DACH1: variants seen among roughly 807,000 people sequenced by gnomAD.
The protein encoded by DACH1 is dachshund family transcription factor 1.
Under a neutral mutation model 54.2 loss-of-function variants are expected in DACH1, and 12 were observed. The observed-to-expected ratio is 0.22, with a 90% CI of 0.14 to 0.36. DACH1 has a LOEUF of 0.36. Among genes scored for constraint, DACH1 ranks in the 10% least tolerant of loss-of-function variants. The probability of loss-of-function intolerance (pLI) is 1.00; values close to 1 mark genes in which losing one functional copy is unlikely to be tolerated. For synonymous variants in DACH1, 386 were observed against 366.2 expected, an observed-to-expected ratio of 1.05 and a Z score of -0.62; for missense variants, 805 against 929.8, an observed-to-expected ratio of 0.87 and a Z score of 1.75.
chr13:71,518,289 C>T (rs1881311366), intron 6 of DACH1, among the ~76,000 whole-genome samples: 1 of 151,510 alleles, frequency 6.6e-6, no homozygotes, highest in South Asian at 2.1e-4. Flanking sequence ...GAGGAAAGGC[C>T]ATATGAGGAC....
intron 1 of DACH1, among the ~76,000 whole-genome samples, chr13:71,838,826 T>C (rs574579741): frequency 9.8e-5 from 15 of 152,366 alleles, no homozygotes; most frequent in African/African-American, 2.9e-4. Context: ...GCAAACTCAA[T>C]CTGCGGCTGC....
chr13:71,687,739 G>C (rs1042608744), intron 1 of DACH1, among the ~76,000 whole-genome samples: 2 of 152,126 alleles, frequency 1.3e-5, no homozygotes, highest in African/African-American at 4.8e-5. Flanking sequence ...CTCCTGAGTA[G>C]CTGGGACTAC....
intron 6 of DACH1, among the ~76,000 whole-genome samples, chr13:71,546,359 A>G (rs568951119): frequency 1.3e-5 from 2 of 152,146 alleles, no homozygotes; most frequent in East Asian, 3.9e-4. Flanking sequence ...CTTGTATCTT[A>G]AAGATTTACA....
At chr13:71,504,227 G>A (rs1451638518) in intron 6 of DACH1, among the ~76,000 whole-genome samples, 3 of 151,906 alleles carry the variant, frequency 2.0e-5, no homozygotes, top group African/African-American at 7.3e-5. Context: ...CAATTAACAC[G>A]AGAAATCTTG....
At chr13:71,705,358 G>A (rs1186347237) in intron 1 of DACH1, among the ~76,000 whole-genome samples, 1 of 141,392 alleles carries the variant, frequency 7.1e-6, no homozygotes, top group Non-Finnish European at 1.5e-5. Context: ...TTTAGGGACC[G>A]AAATGTTGTT....
chr13:71,825,929 A>T (rs1272564777), intron 1 of DACH1, among the ~76,000 whole-genome samples: 1 of 152,128 alleles, frequency 6.6e-6, no homozygotes, highest in Non-Finnish European at 1.5e-5. Context: ...TATATTCCTG[A>T]AGCCCCTAGT....
At chr13:71,850,630 G>C (rs959270465) in intron 1 of DACH1, among the ~76,000 whole-genome samples, 2 of 152,126 alleles carry the variant, frequency 1.3e-5, no homozygotes, top group Admixed American at 1.3e-4. Context: ...CAAAAATGTT[G>C]AGGAGTAATA....
chr13:71,512,272 C>T (rs534600269), intron 6 of DACH1, among the ~76,000 whole-genome samples: 1 of 151,978 alleles, frequency 6.6e-6, no homozygotes, highest in East Asian at 1.9e-4. Context: ...CTGCATACTG[C>T]CTAGCCTTCT....
chr13:71,468,909 A>G (rs1353687941), intron 10 of DACH1, among the ~76,000 whole-genome samples: 1 of 152,234 alleles, frequency 6.6e-6, no homozygotes, highest in Non-Finnish European at 1.5e-5. Flanking sequence ...AGTAAAAAGC[A>G]GGAAAGGAAA....
At chr13:71,514,870 T>C (rs569627282) in intron 6 of DACH1, among the ~76,000 whole-genome samples, 2 of 152,068 alleles carry the variant, frequency 1.3e-5, no homozygotes, top group African/African-American at 4.8e-5. Context: ...TATGTAAAAT[T>C]TGATGTCAAG....
At chr13:71,613,295 G>A (rs1338242510) in intron 3 of DACH1, among the ~76,000 whole-genome samples, 1 of 152,194 alleles carries the variant, frequency 6.6e-6, no homozygotes, top group Non-Finnish European at 1.5e-5. Context: ...CAGGAAGAAT[G>A]AAAAGGGGAA....
At chr13:71,790,217 T>C (rs963043098) in intron 1 of DACH1, among the ~76,000 whole-genome samples, 5 of 152,188 alleles carry the variant, frequency 3.3e-5, no homozygotes, top group South Asian at 2.1e-4. Flanking sequence ...AGACTTTTTT[T>C]TTCTTACAGT....
At chr13:71,447,089 T>C (rs1399829109) in intron 10 of DACH1, among the ~76,000 whole-genome samples, 2 of 152,214 alleles carry the variant, frequency 1.3e-5, no homozygotes, top group African/African-American at 4.8e-5. Context: ...AAGTATCTCG[T>C]GTCTAAGAAA....
intron 2 of DACH1, among the ~76,000 whole-genome samples, chr13:71,647,853 A>G (rs1161451110): frequency 3.3e-5 from 5 of 152,252 alleles, no homozygotes; most frequent in Admixed American, 3.3e-4. Flanking sequence ...GCTATTTCCA[A>G]TATTCCAATA....
chr13:71,612,546 A>G (rs1370224024), intron 3 of DACH1, among the ~76,000 whole-genome samples: 1 of 152,174 alleles, frequency 6.6e-6, no homozygotes, highest in Non-Finnish European at 1.5e-5. Context: ...GAGTCCAAAC[A>G]GTAGACCCTG....
chr13:71,490,787 A>T (rs138390166), intron 6 of DACH1, among the ~76,000 whole-genome samples: 1 of 152,190 alleles, frequency 6.6e-6, no homozygotes. Context: ...CTTGTTAAAC[A>T]TATATGTGCA....
intron 6 of DACH1, among the ~76,000 whole-genome samples, chr13:71,544,798 A>T (rs1282334733): frequency 6.6e-6 from 1 of 152,042 alleles, no homozygotes; most frequent in Non-Finnish European, 1.5e-5. Context: ...TACAAATCTT[A>T]TCAGGGCCCT....
chr13:71,542,352 G>A (rs1883190202), intron 6 of DACH1, among the ~76,000 whole-genome samples: 1 of 151,862 alleles, frequency 6.6e-6, no homozygotes, highest in Admixed American at 6.6e-5. Flanking sequence ...AGTACATTGT[G>A]GTTCAGATAA....
intron 10 of DACH1, among the ~76,000 whole-genome samples, chr13:71,458,395 ATGTACTC>A (rs1875776996): frequency 6.6e-6 from 1 of 152,122 alleles, no homozygotes; most frequent in South Asian, 2.1e-4. Context: ...GCCAGTTGGA[ATGTACTC>A]TGACAGTTGC....
Sources: gnomAD v4.1 joint callset for allele counts (sites outside exome capture counted in the v4.1 genomes callset) on GRCh38, gnomAD v4.1.1 for gene constraint, MANE v1.5 for transcripts, NCBI Gene and HGNC (gene_info 2026-07-23, HGNC 2026-07-21) for gene names.